The following SCARA5 variants were observed in gnomAD, a reference collection of about 807,000 sequenced individuals.
SCARA5 encodes scavenger receptor class A, member 5 (putative).
A neutral mutation model predicts 46.3 loss-of-function variants in SCARA5; 45 were observed. That is an observed-to-expected ratio of 0.97 (90% CI 0.76 to 1.24). SCARA5 has a LOEUF of 1.24. Ranked by LOEUF, SCARA5 falls within the 50% of genes most tolerant of loss-of-function variation. The probability of loss-of-function intolerance (pLI) is 0.00; values close to 1 mark genes in which losing one functional copy is unlikely to be tolerated. For synonymous variants in SCARA5, 333 were observed against 306.5 expected, an observed-to-expected ratio of 1.09 and a Z score of -0.90; for missense variants, 680 against 689.0, an observed-to-expected ratio of 0.99 and a Z score of 0.15.
intron 3 of SCARA5, among the ~76,000 whole-genome samples, chr8:27,933,884 G>A (rs573895297): frequency 6.6e-6 from 1 of 152,264 alleles, no homozygotes; most frequent in South Asian, 2.1e-4. Flanking sequence ...AAATGCTTAT[G>A]AAATAGTAAG....
intron 2 of SCARA5, among the ~76,000 whole-genome samples, chr8:27,969,989 C>T (rs1311107859): frequency 6.6e-6 from 1 of 152,186 alleles, no homozygotes; most frequent in Non-Finnish European, 1.5e-5. Flanking sequence ...AATCAACCCC[C>T]TTCCACGTTG....
At chr8:27,881,790 T>G (rs909603791) in intron 7 of SCARA5, among the ~76,000 whole-genome samples, 33 of 152,048 alleles carry the variant, frequency 2.2e-4, no homozygotes, top group Admixed American at 9.2e-4. Flanking sequence ...CACCCCTCCC[T>G]CTACACACAG....
chr8:27,871,409 A>T lies in SCARA5; in HGVS notation c.*525T>A. Reference sequence around the variant, plus strand: ...CTTCTCCTCTATGTCACTTCCTCAAACTAGCAAATGGGGAGCAGAGGCAGA... The same window carrying T: ...CTTCTCCTCTATGTCACTTCCTCAATCTAGCAAATGGGGAGCAGAGGCAGA... On this transcript the variant is annotated 3_prime_UTR_variant, in exon 9 of 9. Transcript: ENST00000354914. 1.0e-6 allele frequency: 1 copy of T among 987,200 alleles called. No individual in the cohort carries two copies. Among genetic ancestry groups the T allele is most frequent in the Non-Finnish European group, 1.2e-6 (1 of 830,980 alleles). The allele number at this position is 987,200 out of a possible 1,614,324, so 61.2% of individuals were successfully genotyped here. A position where few individuals can be genotyped will look rare whatever the true frequency, so the allele number is the denominator to read the frequency against.
chr8:27,937,877 C>A (rs948038730), intron 3 of SCARA5, among the ~76,000 whole-genome samples: 2 of 152,186 alleles, frequency 1.3e-5, no homozygotes, highest in African/African-American at 4.8e-5. Context: ...TCAGGGCTCA[C>A]CCTAATGGCC....
In SCARA5 at chr8:27,906,531, C is replaced by T. The variant is rs1017764286; in HGVS notation, c.1096+617G>A. 3.9e-5 allele frequency among the ~76,000 whole-genome samples: 6 copies of T among 152,246 alleles called. 1 individual carries two copies. Among genetic ancestry groups the T allele is most frequent in the Admixed American group, 2.6e-4 (4 of 15,290 alleles). ...TGTCCTGGGCCTGCAGCCCTGGTGT[C>T]TGCCCTGCAGGCCCCTTGTTGGCTT... On this transcript the variant is annotated intron_variant, in intron 6 of 8. Transcript: ENST00000354914.
chr8:27,921,166 T>C (rs1807577578), intron 4 of SCARA5, among the ~76,000 whole-genome samples: 1 of 152,180 alleles, frequency 6.6e-6, no homozygotes, highest in Admixed American at 6.5e-5. Context: ...GGAATGACAC[T>C]AGAGGAGCCC....
intron 5 of SCARA5, among the ~76,000 whole-genome samples, chr8:27,908,351 C>T (rs769932070): frequency 7.2e-5 from 11 of 152,314 alleles, no homozygotes; most frequent in East Asian, 1.9e-4. Context: ...GTGACGGTGC[C>T]GGCGCCATGC....
chr8:27,915,430 G>A (rs550819544), intron 4 of SCARA5, among the ~76,000 whole-genome samples: 16 of 152,200 alleles, frequency 1.1e-4, no homozygotes, highest in South Asian at 8.3e-4. Flanking sequence ...ACGTCCCAGG[G>A]ACCTCAGCCC....
In SCARA5 at chr8:27,871,912, C is replaced by G. The variant is rs372073479; in HGVS notation, c.*22G>C. 1 of 1,613,468 alleles carries G rather than the reference C, an allele frequency of 6.2e-7. No individual in the cohort carries two copies. The highest frequency in any genetic ancestry group is 8.5e-7 in the Non-Finnish European group (1 of 1,180,026). On this transcript the variant is annotated 3_prime_UTR_variant, in exon 9 of 9. Coordinates refer to ENST00000354914, the MANE Select transcript of SCARA5 (RefSeq NM_173833.6). ...AGGAAGGGTGCTCTGTGCAGGACCCCGAACTTGGGCTCTGCCCACTTTCAG... is the reference window on the plus strand; with the variant it reads ...AGGAAGGGTGCTCTGTGCAGGACCCGGAACTTGGGCTCTGCCCACTTTCAG...
intron 3 of SCARA5, among the ~76,000 whole-genome samples, chr8:27,957,346 C>T (rs925201385): frequency 5.9e-5 from 9 of 152,186 alleles, no homozygotes; most frequent in African/African-American, 2.2e-4. Flanking sequence ...TTAACAAACA[C>T]CAATGATACA....
chr8:27,943,429 C>G (rs1344070720), intron 3 of SCARA5, among the ~76,000 whole-genome samples: 5 of 152,150 alleles, frequency 3.3e-5, no homozygotes, highest in African/African-American at 1.2e-4. Flanking sequence ...GAGACTCTGA[C>G]TAAAAATAAT....
intron 3 of SCARA5, among the ~76,000 whole-genome samples, chr8:27,947,914 T>A (rs1175397234): frequency 6.6e-6 from 1 of 151,810 alleles, no homozygotes; most frequent in Non-Finnish European, 1.5e-5. Context: ...TCCACTGATA[T>A]GAGGTCCCCA....
chr8:27,932,554 C>G (rs1050655120), intron 3 of SCARA5, among the ~76,000 whole-genome samples: 1 of 152,194 alleles, frequency 6.6e-6, no homozygotes, highest in Admixed American at 6.5e-5. Context: ...CCTGAGGCCT[C>G]TCCTCCTGGC....
intron 5 of SCARA5, 59 bp downstream of exon 5, chr8:27,909,604 A>G: frequency 1.7e-6 from 2 of 1,205,510 alleles, no homozygotes; most frequent in Non-Finnish European, 2.4e-6. Context: ...TCAAGAAAGT[A>G]GCGGGTAGAG....
chr8:27,965,014 C>G (rs1329939145), intron 3 of SCARA5, among the ~76,000 whole-genome samples: 1 of 152,182 alleles, frequency 6.6e-6, no homozygotes, highest in Non-Finnish European at 1.5e-5. Context: ...TCAAATCCTC[C>G]TCTGGCCCAC....
intron 8 of SCARA5, among the ~76,000 whole-genome samples, chr8:27,876,442 C>G (rs543102385): frequency 6.6e-6 from 1 of 152,048 alleles, no homozygotes; most frequent in Non-Finnish European, 1.5e-5. Flanking sequence ...CTGCAGGACT[C>G]GGGGACCAAC....
At chr8:27,931,900 C>T (rs774459923) in intron 3 of SCARA5, among the ~76,000 whole-genome samples, 21 of 152,130 alleles carry the variant, frequency 1.4e-4, no homozygotes, top group Non-Finnish European at 2.9e-4. Flanking sequence ...GTGATCCACT[C>T]GCCTCGGCCT....
chr8:27,933,603 A>G (rs887628275), intron 3 of SCARA5, among the ~76,000 whole-genome samples: 3 of 151,996 alleles, frequency 2.0e-5, no homozygotes, highest in African/African-American at 4.8e-5. Flanking sequence ...TTTAAAATCT[A>G]TAACATAAAT....
At chr8:27,892,539 T>C (rs1049220435) in intron 7 of SCARA5, among the ~76,000 whole-genome samples, 16 of 151,028 alleles carry the variant, frequency 1.1e-4, no homozygotes, top group African/African-American at 3.9e-4. Flanking sequence ...AGGAGGCAGC[T>C]GGACTCAGGA....
Sources: gnomAD v4.1 joint callset for allele counts (sites outside exome capture counted in the v4.1 genomes callset) on GRCh38, gnomAD v4.1.1 for gene constraint, MANE v1.5 for transcripts, NCBI Gene and HGNC (gene_info 2026-07-23, HGNC 2026-07-21) for gene names.